The following DPYSL2 variants were observed in gnomAD, a reference collection of about 807,000 sequenced individuals.
The protein encoded by DPYSL2 is dihydropyrimidinase like 2, also known as dihydropyrimidinase-related protein 2.
Under a neutral mutation model 69.9 loss-of-function variants are expected in DPYSL2, and 13 were observed. The ratio of observed to expected loss-of-function variants is 0.19; its 90% CI spans 0.12 to 0.30. The LOEUF is 0.30. Among genes scored for constraint, DPYSL2 ranks in the 10% least tolerant of loss-of-function variants. The pLI is 1.00. For missense variants in DPYSL2, 587 were observed against 918.9 expected (o/e 0.64, Z 4.67); for synonymous variants, 326 against 359.1 (o/e 0.91, Z 1.04).
chr8:26,534,460 C>G (rs542198701), intron 1 of DPYSL2, among the ~76,000 whole-genome samples: 2 of 151,764 alleles, frequency 1.3e-5, no homozygotes, highest in Admixed American at 1.3e-4. Flanking sequence ...TGCCCTGCCT[C>G]TCATTTACTT....
At chr8:26,639,212 A>T (rs560265673) in intron 8 of DPYSL2, among the ~76,000 whole-genome samples, 1 of 152,292 alleles carries the variant, frequency 6.6e-6, no homozygotes, top group South Asian at 2.1e-4. Flanking sequence ...TTGATGTTGC[A>T]ATCTTGAACA....
intron 3 of DPYSL2, among the ~76,000 whole-genome samples, chr8:26,603,022 A>G (rs1432700211): frequency 6.6e-6 from 1 of 152,140 alleles, no homozygotes; most frequent in Non-Finnish European, 1.5e-5. Flanking sequence ...GTGCAGAAGA[A>G]TTTGGTAGAT....
chr8:26,595,335 T>G (rs1801835415), intron 3 of DPYSL2, among the ~76,000 whole-genome samples: 1 of 151,900 alleles, frequency 6.6e-6, no homozygotes, highest in African/African-American at 2.4e-5. Flanking sequence ...CCAAATAATC[T>G]CTGGAGAATT....
chr8:26,634,949 G>T, intron 8 of DPYSL2, 49 bp downstream of exon 8: 1 of 1,609,756 alleles, frequency 6.2e-7, no homozygotes. Context: ...AGGTTTGGAG[G>T]GGAGGGGGGC....
chr8:26,612,714 C>A (rs2129858850), intron 3 of DPYSL2, among the ~76,000 whole-genome samples: 1 of 152,310 alleles, frequency 6.6e-6, no homozygotes, highest in South Asian at 2.1e-4. Context: ...ACTTAAGTTA[C>A]CCATTGCATG....
chr8:26,519,817 T>A (rs1808356635), intron 1 of DPYSL2, among the ~76,000 whole-genome samples: 1 of 152,246 alleles, frequency 6.6e-6, no homozygotes, highest in Admixed American at 6.5e-5. Context: ...AACTCCATAT[T>A]TTCTATGGTG....
At chr8:26,639,867 C>T (rs1191659800) in intron 8 of DPYSL2, among the ~76,000 whole-genome samples, 2 of 152,282 alleles carry the variant, frequency 1.3e-5, no homozygotes, top group African/African-American at 2.4e-5. Context: ...GATCTGAGAA[C>T]GAATTTCAGA....
chr8:26,614,521 G>T lies in DPYSL2; in HGVS notation c.629-9622G>T, dbSNP rs17321828. Reference sequence around the variant, plus strand: ...TGTTGGCATTTTAAGGGCACAGTTTGTATCTTCTACCTCTTTGTTTCCTCC... The same window carrying T: ...TGTTGGCATTTTAAGGGCACAGTTTTTATCTTCTACCTCTTTGTTTCCTCC... On this transcript the variant is annotated intron_variant, in intron 3 of 13. Transcript: ENST00000521913. This position sits in a 1 kb window ranked among gnomAD's most constrained non-coding sequence, Gnocchi z 4.9. Among the ~76,000 whole-genome samples, 1 of 152,052 alleles carries T rather than the reference G, an allele frequency of 6.6e-6. No individual in the cohort carries two copies. The highest frequency in any genetic ancestry group is 2.4e-5 in the African/African-American group (1 of 41,390).
intron 3 of DPYSL2, among the ~76,000 whole-genome samples, chr8:26,622,468 G>A (rs1293965060): frequency 3.8e-5 from 4 of 104,524 alleles, no homozygotes; most frequent in African/African-American, 9.7e-5. Flanking sequence ...GTGTGTGTGT[G>A]TGTGTATATG....
chr8:26,563,477 C>T (rs1046314355), intron 1 of DPYSL2, among the ~76,000 whole-genome samples: 6 of 152,234 alleles, frequency 3.9e-5, no homozygotes, highest in East Asian at 1.9e-4. Context: ...CCAGACACCA[C>T]GTTCTGCTAC....
At chr8:26,540,537 C>T (rs1329233429) in intron 1 of DPYSL2, among the ~76,000 whole-genome samples, 2 of 152,126 alleles carry the variant, frequency 1.3e-5, no homozygotes, top group Admixed American at 6.6e-5. Context: ...TAGGATCAAC[C>T]ACGGAAGACT....
Position 26,514,724 on chromosome 8 carries a change from G to A in DPYSL2, c.354+45G>A. The A allele has an allele frequency of 9.4e-6, 11 of 1,167,208 alleles. No homozygotes were observed. The highest frequency in any genetic ancestry group is 1.2e-5 in the Non-Finnish European group (11 of 887,038). The allele number at this position is 1,167,208 out of a possible 1,614,324, so 72.3% of individuals were successfully genotyped here. ...GTGGAGACGGAGGACGGGGCGCGGG[G>A]ATCGCCCCTCCCTCGCCCCTGAGCC... On this transcript the variant is annotated intron_variant, in intron 1 of 13. Coordinates refer to ENST00000521913, the MANE Select transcript of DPYSL2 (RefSeq NM_001197293.3). This position sits in a 1 kb window ranked among gnomAD's most constrained non-coding sequence, Gnocchi z 8.4.
chr8:26,603,553 A>G (rs376204708), intron 3 of DPYSL2, among the ~76,000 whole-genome samples: 9 of 152,216 alleles, frequency 5.9e-5, no homozygotes, highest in African/African-American at 2.2e-4. Flanking sequence ...GTTCAGTGGC[A>G]TTGTGTATTC....
Position 26,652,082 on chromosome 8 carries a change from A to C in DPYSL2, c.1597-175A>C, listed in dbSNP as rs966701916. ...GGTAGAAAAAGTTATTTCATATTCT[A>C]GACAGGGAAATGGAGACACAGCAAG... On this transcript the variant is annotated intron_variant, in intron 11 of 13. Transcript: ENST00000521913. The surrounding 1 kb of genome is among the most constrained non-coding windows in gnomAD (Gnocchi z 6.3). Among the ~76,000 whole-genome samples, 2 of 152,160 alleles carry C rather than the reference A, an allele frequency of 1.3e-5. No homozygotes were observed. The highest frequency in any genetic ancestry group is 4.8e-5 in the African/African-American group (2 of 41,428).
rs56225170 is a variant in DPYSL2 at position 26,582,845 on chromosome 8, G to A, written c.443+788G>A. On this transcript the variant is annotated intron_variant, in intron 2 of 13. Coordinates refer to ENST00000521913, the MANE Select transcript of DPYSL2 (RefSeq NM_001197293.3). The surrounding 1 kb of genome is among the most constrained non-coding windows in gnomAD (Gnocchi z 4.1). Reference sequence around the variant, plus strand: ...GATAGCTGTAAACCGGTCCAGAGGAGTGGAAAACTGGAGTGGCTGTGACTG... The same window carrying A: ...GATAGCTGTAAACCGGTCCAGAGGAATGGAAAACTGGAGTGGCTGTGACTG... Among the ~76,000 whole-genome samples the A allele has an allele frequency of 0.025, 3,732 of 152,304 alleles. 141 individuals are homozygous for A. The highest frequency in any genetic ancestry group is 0.084 in the African/African-American group (3,481 of 41,538).
At chr8:26,631,873 CA>C (rs1802784342) in intron 7 of DPYSL2, among the ~76,000 whole-genome samples, 1 of 152,136 alleles carries the variant, frequency 6.6e-6, no homozygotes, top group South Asian at 2.1e-4. Context: ...GTGAGTTTGT[CA>C]AGAGGGATCT....
rs1458365499 is a variant in DPYSL2, at chr8:26,641,768, G to A, written c.1127-1671G>A. ...TTTGGAGTCCTCCCTCCTGCTGGGGGTGGGGGCGTGGTTGCTGGTGGCCTG... is the reference window on the plus strand; with the variant it reads ...TTTGGAGTCCTCCCTCCTGCTGGGGATGGGGGCGTGGTTGCTGGTGGCCTG... On this transcript the variant is annotated intron_variant, in intron 8 of 13. Transcript: ENST00000521913. The surrounding 1 kb of genome is among the most constrained non-coding windows in gnomAD (Gnocchi z 4.1). Among the ~76,000 whole-genome samples the A allele has an allele frequency of 1.3e-5, 2 of 152,208 alleles. No homozygotes were observed. Among genetic ancestry groups the A allele is most frequent in the African/African-American group, 4.8e-5 (2 of 41,456 alleles).
At position 26,658,147 on chromosome 8, in the gene DPYSL2, G is replaced by A. The variant is rs10042; in HGVS notation, c.*2441G>A. The A allele has an allele frequency of 0.011, 1,752 of 152,550 alleles. 14 individuals carry two copies. Among genetic ancestry groups the A allele is most frequent in the Middle Eastern group, 0.044 (13 of 294 alleles). The allele number at this position is 152,550 out of a possible 1,614,324, so 9.4% of individuals were successfully genotyped here. A position where few individuals can be genotyped will look rare whatever the true frequency, so the allele number is the denominator to read the frequency against. On this transcript the variant is annotated 3_prime_UTR_variant, in exon 14 of 14. Transcript: ENST00000521913. This position sits in a 1 kb window ranked among gnomAD's most constrained non-coding sequence, Gnocchi z 4.7. ...ACTCTGTGTTATATTACCATGGAAC[G>A]CCTAATAAAGCAAAATGTGGTTGTT...
intron 1 of DPYSL2, among the ~76,000 whole-genome samples, chr8:26,528,657 G>GAAAGA (rs975421259): frequency 2.0e-5 from 3 of 150,076 alleles, no homozygotes; most frequent in South Asian, 2.1e-4. Context: ...AAAAAAAAAA[G>GAAAGA]AAAGAAAAGA....
Sources: gnomAD v4.1 joint callset for allele counts (sites outside exome capture counted in the v4.1 genomes callset) on GRCh38, gnomAD v4.1.1 for gene constraint, Gnocchi (gnomAD v3.1) non-coding constraint, MANE v1.5 for transcripts, NCBI Gene and HGNC (gene_info 2026-07-23, HGNC 2026-07-21) for gene names.